STARD13: variants seen among roughly 807,000 people sequenced by gnomAD.
The protein encoded by STARD13 is StAR related lipid transfer domain containing 13.
STARD13 carries 62 observed loss-of-function variants against 106.4 expected under a neutral mutation model. The observed-to-expected ratio is 0.58, with a 90% CI of 0.48 to 0.72. The LOEUF (loss-of-function observed/expected upper bound fraction) is 0.72. Among genes scored for constraint, STARD13 ranks in the 30% least tolerant of loss-of-function variants. The pLI is 0.00. For missense variants in STARD13, 1,387 were observed against 1,424.0 expected, an observed-to-expected ratio of 0.97 and a Z score of 0.42; for synonymous variants, 565 against 553.0, an observed-to-expected ratio of 1.02 and a Z score of -0.31.
intron 1 of STARD13, among the ~76,000 whole-genome samples, chr13:33,316,445 T>C (rs527377627): frequency 1.3e-5 from 2 of 152,360 alleles, no homozygotes; most frequent in South Asian, 2.1e-4. Flanking sequence ...ATTTCCACTT[T>C]GTAGTGTGAC....
intron 1 of STARD13, among the ~76,000 whole-genome samples, chr13:33,233,373 T>G (rs1889022292): frequency 6.6e-6 from 1 of 152,176 alleles, no homozygotes; most frequent in Non-Finnish European, 1.5e-5. Flanking sequence ...CAGTATGCAC[T>G]CCCCATCCTG....
chr13:33,175,431 A>G (rs770984983), intron 1 of STARD13, among the ~76,000 whole-genome samples: 5 of 152,206 alleles, frequency 3.3e-5, no homozygotes, highest in Non-Finnish European at 5.9e-5. Context: ...AAACACCTCC[A>G]TGTTGAACCA....
chr13:33,486,142 G>C, the STARD13 span, among the ~76,000 whole-genome samples: 1 of 152,054 alleles, frequency 6.6e-6, no homozygotes, highest in Non-Finnish European at 1.5e-5. Context: ...CTTGGGATTT[G>C]GACCCAGAGA....
At chr13:33,399,571 G>A in the STARD13 span, among the ~76,000 whole-genome samples, 1 of 151,600 alleles carries the variant, frequency 6.6e-6, no homozygotes, top group African/African-American at 2.4e-5. Flanking sequence ...CGTGGTGGCT[G>A]GTGCCTGTAG....
At chr13:33,308,061 G>A (rs1892977789) in intron 1 of STARD13, among the ~76,000 whole-genome samples, 4 of 152,166 alleles carry the variant, frequency 2.6e-5, no homozygotes, top group Admixed American at 2.6e-4. Flanking sequence ...GGAGAGACAG[G>A]AGTCCTGCTC....
intron 3 of STARD13, among the ~76,000 whole-genome samples, chr13:33,153,011 T>A (rs1325360): frequency 6.6e-6 from 1 of 151,992 alleles, no homozygotes; most frequent in Admixed American, 6.5e-5. Context: ...AGGAAAGGCA[T>A]GGACATTCTT....
chr13:33,511,070 G>T, the STARD13 span, among the ~76,000 whole-genome samples: 1 of 152,136 alleles, frequency 6.6e-6, no homozygotes, highest in Non-Finnish European at 1.5e-5. Flanking sequence ...AGCACTTTGG[G>T]AGGCTGAGGT....
intron 5 of STARD13, among the ~76,000 whole-genome samples, chr13:33,128,442 C>T (rs1877576362): frequency 6.6e-6 from 1 of 152,142 alleles, no homozygotes; most frequent in South Asian, 2.1e-4. Flanking sequence ...TGTAGGTCAG[C>T]TTTGATGTAC....
At chr13:33,107,343 T>C (rs1413563945) in intron 12 of STARD13, among the ~76,000 whole-genome samples, 1 of 152,086 alleles carries the variant, frequency 6.6e-6, no homozygotes, top group Non-Finnish European at 1.5e-5. Flanking sequence ...CATAAAGATA[T>C]ACACAGCCCA....
At chr13:33,183,922 T>A (rs974832085) in intron 1 of STARD13, among the ~76,000 whole-genome samples, 2 of 152,188 alleles carry the variant, frequency 1.3e-5, no homozygotes, top group Non-Finnish European at 2.9e-5. Context: ...TGGGGATGCT[T>A]TTAATTGCAG....
intron 7 of STARD13, among the ~76,000 whole-genome samples, chr13:33,121,422 G>A (rs542152180): frequency 1.3e-5 from 2 of 151,870 alleles, no homozygotes; most frequent in Non-Finnish European, 2.9e-5. Flanking sequence ...ACAAAAATTA[G>A]CCAGGAGTGG....
chr13:33,587,279 A>T, the STARD13 span, among the ~76,000 whole-genome samples: 1 of 152,048 alleles, frequency 6.6e-6, no homozygotes, highest in South Asian at 2.1e-4. Flanking sequence ...ATCTTGCAAC[A>T]TTGGAGTCTT....
At chr13:33,433,766 T>C in the STARD13 span, among the ~76,000 whole-genome samples, 1 of 152,200 alleles carries the variant, frequency 6.6e-6, no homozygotes, top group African/African-American at 2.4e-5. Context: ...GTCCCTGTCA[T>C]GCCCACCCTC....
intron 7 of STARD13, among the ~76,000 whole-genome samples, chr13:33,123,078 A>AAAAAAAAAAAC (rs1566542589): frequency 6.6e-6 from 1 of 150,986 alleles, no homozygotes; most frequent in Non-Finnish European, 1.5e-5. Context: ...AAAAAAAAAA[A>AAAAAAAAAAAC]AGCAAGGACT....
At chr13:33,502,951 G>C in the STARD13 span, among the ~76,000 whole-genome samples, 1 of 152,316 alleles carries the variant, frequency 6.6e-6, no homozygotes, top group East Asian at 1.9e-4. Context: ...AGTTTCAGAA[G>C]GAATGGTACC....
the STARD13 span, among the ~76,000 whole-genome samples, chr13:33,590,224 A>T: frequency 6.6e-6 from 1 of 152,126 alleles, no homozygotes; most frequent in Admixed American, 6.5e-5. Context: ...GATGTGGAGA[A>T]ATAGGAACAC....
intron 3 of STARD13, among the ~76,000 whole-genome samples, chr13:33,163,382 G>A (rs1356642219): frequency 6.6e-6 from 1 of 151,658 alleles, no homozygotes; most frequent in Non-Finnish European, 1.5e-5. Context: ...AGGCCAGGAG[G>A]AGTTTCAGAC....
chr13:33,519,305 T>C, the STARD13 span, among the ~76,000 whole-genome samples: 1 of 102,322 alleles, frequency 9.8e-6, no homozygotes, highest in African/African-American at 5.5e-5. Context: ...CTCTCTCTCT[T>C]TCTTTCTCTC....
intron 1 of STARD13, among the ~76,000 whole-genome samples, chr13:33,223,359 A>T (rs1480917003): frequency 6.6e-6 from 1 of 152,128 alleles, no homozygotes; most frequent in Non-Finnish European, 1.5e-5. Context: ...GGCGAAATAC[A>T]CTTAAAAATA....
Sources: gnomAD v4.1 joint callset for allele counts (sites outside exome capture counted in the v4.1 genomes callset) on GRCh38, gnomAD v4.1.1 for gene constraint, MANE v1.5 for transcripts, NCBI Gene and HGNC (gene_info 2026-07-23, HGNC 2026-07-21) for gene names.